The following STK39 variants were observed in gnomAD, a reference collection of about 807,000 sequenced individuals.
STK39 encodes the protein serine/threonine kinase 39.
In STK39, 20 loss-of-function variants were observed where a neutral mutation model predicts 77.8. The observed-to-expected ratio is 0.26, with a 90% CI of 0.18 to 0.37. The LOEUF (loss-of-function observed/expected upper bound fraction) is 0.37, where lower values mean the gene tolerates loss of function less well. Ranked by LOEUF, STK39 falls within the 10% of genes least tolerant of loss-of-function variation. STK39 has a pLI of 1.00. For missense variants in STK39, 479 were observed against 656.5 expected (o/e 0.73, Z 2.95); for synonymous variants, 246 against 234.1 (o/e 1.05, Z -0.47).
intron 1 of STK39, among the ~76,000 whole-genome samples, chr2:168,208,067 A>G (rs1689787894): frequency 6.6e-6 from 1 of 152,200 alleles, no homozygotes; most frequent in Non-Finnish European, 1.5e-5. Context: ...TGGGGATAGG[A>G]GCAGAAATAT....
intron 2 of STK39, among the ~76,000 whole-genome samples, chr2:168,176,695 C>T (rs1688963752): frequency 6.6e-6 from 1 of 151,938 alleles, no homozygotes; most frequent in Non-Finnish European, 1.5e-5. Flanking sequence ...AAAGATGATA[C>T]AGGAAGAAAA....
intron 1 of STK39, among the ~76,000 whole-genome samples, chr2:168,244,821 A>G (rs1306079889): frequency 6.6e-6 from 1 of 152,232 alleles, no homozygotes; most frequent in Non-Finnish European, 1.5e-5. Context: ...GCAAATGCGC[A>G]AAAGTCAGGG....
chr2:168,019,480 A>G (rs909294269), intron 14 of STK39, among the ~76,000 whole-genome samples: 1 of 152,206 alleles, frequency 6.6e-6, no homozygotes, highest in African/African-American at 2.4e-5. Flanking sequence ...AGTTATTCAC[A>G]GTGGTTTTGA....
intron 10 of STK39, among the ~76,000 whole-genome samples, chr2:168,095,469 G>T (rs921070123): frequency 6.6e-6 from 1 of 151,926 alleles, no homozygotes; most frequent in Non-Finnish European, 1.5e-5. Flanking sequence ...CTGATTCAAT[G>T]ATCTACAATT....
chr2:168,010,037 G>A (rs898472937), intron 16 of STK39, among the ~76,000 whole-genome samples: 1 of 151,272 alleles, frequency 6.6e-6, no homozygotes, highest in Non-Finnish European at 1.5e-5. Flanking sequence ...ATGCTTAAAA[G>A]AAGATGTGAC....
At chr2:168,047,989 A>ATT (rs1685288815) in intron 14 of STK39, among the ~76,000 whole-genome samples, 1 of 152,230 alleles carries the variant, frequency 6.6e-6, no homozygotes, top group African/African-American at 2.4e-5. Flanking sequence ...AGCTAAGCAG[A>ATT]TTACCAGACG....
At chr2:168,083,078 C>T (rs1241748278) in intron 10 of STK39, among the ~76,000 whole-genome samples, 1 of 152,122 alleles carries the variant, frequency 6.6e-6, no homozygotes, top group Admixed American at 6.5e-5. Flanking sequence ...ATAATCCAGC[C>T]CCAAATTATT....
intron 10 of STK39, among the ~76,000 whole-genome samples, chr2:168,126,646 T>C (rs560397439): frequency 1.4e-4 from 21 of 152,228 alleles, no homozygotes; most frequent in Non-Finnish European, 2.8e-4. Context: ...GGAAAACAGT[T>C]TCAAAGGGCT....
At chr2:167,979,443 G>A (rs1482845572) in intron 16 of STK39, among the ~76,000 whole-genome samples, 2 of 152,102 alleles carry the variant, frequency 1.3e-5, no homozygotes. Context: ...CTTTTCATGC[G>A]CATATTTGGT....
chr2:168,217,049 G>A (rs1211826196), intron 1 of STK39, among the ~76,000 whole-genome samples: 4 of 152,148 alleles, frequency 2.6e-5, no homozygotes, highest in Non-Finnish European at 4.4e-5. Context: ...GACCTGCCAG[G>A]GTTGTATTTC....
At chr2:168,119,438 T>C (rs4668021) in intron 10 of STK39, among the ~76,000 whole-genome samples, 21,291 of 152,238 alleles carry the variant, frequency 0.14, 1,801 homozygotes, top group East Asian at 0.21. Flanking sequence ...ACGAATTATG[T>C]AAAATGCAAA....
At chr2:168,055,112 T>C (rs999709602) in intron 14 of STK39, among the ~76,000 whole-genome samples, 3 of 152,170 alleles carry the variant, frequency 2.0e-5, no homozygotes, top group Admixed American at 1.3e-4. Flanking sequence ...AAAAAAGCAC[T>C]GCATAACTGA....
intron 1 of STK39, among the ~76,000 whole-genome samples, chr2:168,236,881 G>A (rs113954373): frequency 3.3e-5 from 5 of 152,104 alleles, no homozygotes; most frequent in Non-Finnish European, 1.5e-5. Flanking sequence ...GTCAGGTAGT[G>A]TGATGCCTCC....
In STK39 at chr2:168,129,847, T is replaced by A. The variant is rs184052652; in HGVS notation, c.975-89A>T. 165 of 1,454,944 alleles carry A rather than the reference T, an allele frequency of 1.1e-4. No homozygotes were observed. In the Middle Eastern group the frequency reaches 1.5e-3, roughly 13 times the overall value. 90.1% of individuals were successfully genotyped at this position (1,454,944 alleles called of 1,614,324 possible). On this transcript the variant is annotated intron_variant, in intron 8 of 17. Transcript: ENST00000355999. The stretch of plus-strand genomic sequence containing the variant: ...GAAACAACTTAACCTTAAGAGTATT[T>A]CTGGAAGACCAATTTTAGTAATAGC...
intron 2 of STK39, among the ~76,000 whole-genome samples, chr2:168,175,119 C>A (rs948260134): frequency 6.6e-6 from 1 of 152,120 alleles, no homozygotes; most frequent in Admixed American, 6.6e-5. Context: ...GATTCCACAG[C>A]CCTCCTTTTT....
chr2:168,233,977 G>A (rs190028616), intron 1 of STK39, among the ~76,000 whole-genome samples: 18 of 152,210 alleles, frequency 1.2e-4, no homozygotes, highest in South Asian at 6.2e-4. Context: ...TTCCTAAGTC[G>A]ACAGGGGTAT....
intron 16 of STK39, among the ~76,000 whole-genome samples, chr2:167,977,681 G>A (rs886554008): frequency 2.6e-5 from 4 of 152,088 alleles, no homozygotes; most frequent in African/African-American, 7.2e-5. Context: ...CTTAACCAGA[G>A]GTTTTCAGTC....
chr2:168,231,466 A>G (rs1690453393), intron 1 of STK39, among the ~76,000 whole-genome samples: 1 of 151,968 alleles, frequency 6.6e-6, no homozygotes, highest in Admixed American at 6.6e-5. Context: ...AAATGGCTAC[A>G]TTTCTTATTC....
intron 14 of STK39, among the ~76,000 whole-genome samples, chr2:168,053,336 C>T (rs528593556): frequency 6.6e-6 from 1 of 151,938 alleles, no homozygotes; most frequent in African/African-American, 2.4e-5. Context: ...GATTAGAAAA[C>T]AACATATGTT....
Sources: gnomAD v4.1 joint callset for allele counts (sites outside exome capture counted in the v4.1 genomes callset) on GRCh38, gnomAD v4.1.1 for gene constraint, MANE v1.5 for transcripts, NCBI Gene and HGNC (gene_info 2026-07-23, HGNC 2026-07-21) for gene names.